The following CLASP1 variants were observed in gnomAD, a reference collection of about 807,000 sequenced individuals.
CLASP1 encodes the protein CLIP-associating protein 1.
In CLASP1, 38 loss-of-function variants were observed where a neutral mutation model predicts 192.3. The ratio of observed to expected loss-of-function variants is 0.20; its 90% CI spans 0.15 to 0.26. The LOEUF is 0.26. Ranked by LOEUF, CLASP1 falls within the 10% of genes least tolerant of loss-of-function variation. CLASP1 has a pLI of 1.00. For missense variants in CLASP1, 1,433 were observed against 1,932.5 expected (o/e 0.74, Z 4.85); for synonymous variants, 691 against 712.8 (o/e 0.97, Z 0.49).
At chr2:121,576,395 A>G (rs2060522915) in intron 2 of CLASP1, among the ~76,000 whole-genome samples, 1 of 152,260 alleles carries the variant, frequency 6.6e-6, no homozygotes, top group African/African-American at 2.4e-5. Context: ...AAAGCTCATC[A>G]TCTAGTGAGG....
chr2:121,425,284 T>C (rs751626421), exon 22 of CLASP1: 2 of 1,612,152 alleles, frequency 1.2e-6, no homozygotes, highest in African/African-American at 1.3e-5. Flanking sequence ...ACAATTTTCC[T>C]GGGGAACTTG....
At chr2:121,405,732 A>T (rs1387254950) in intron 25 of CLASP1, among the ~76,000 whole-genome samples, 1 of 152,230 alleles carries the variant, frequency 6.6e-6, no homozygotes, top group African/African-American at 2.4e-5. Flanking sequence ...CCAGGATTAA[A>T]CAGATTCTTG....
In CLASP1 at chr2:121,599,957, A is replaced by C. The variant is rs536259544; in HGVS notation, c.195+5744T>G. ...AAAAAATTCAAGAAGCCAAGCTTCA[A>C]AGTTTTGTTTAATATAAAGCTAATC... On this transcript the variant is annotated intron_variant, in intron 2 of 39. Transcript: ENST00000263710. Among the ~76,000 whole-genome samples, 9 of 152,208 alleles carry C rather than the reference A, an allele frequency of 5.9e-5. No individual in the cohort carries two copies. The East Asian group carries it at 1.7e-3, about 29-fold the overall frequency.
chr2:121,643,058 A>G (rs1268918887), intron 1 of CLASP1, among the ~76,000 whole-genome samples: 1 of 152,196 alleles, frequency 6.6e-6, no homozygotes, highest in Non-Finnish European at 1.5e-5. Flanking sequence ...TAGTGAGGGA[A>G]AGTCCTACAC....
intron 7 of CLASP1, among the ~76,000 whole-genome samples, chr2:121,509,669 C>G (rs2094056523): frequency 6.6e-6 from 1 of 152,126 alleles, no homozygotes; most frequent in African/African-American, 2.4e-5. Flanking sequence ...AAAACCTCGT[C>G]TCTACTAAAA....
chr2:121,420,457 TC>T (rs1456766924), intron 22 of CLASP1, among the ~76,000 whole-genome samples: 2 of 152,172 alleles, frequency 1.3e-5, no homozygotes, highest in African/African-American at 4.8e-5. Flanking sequence ...CAATGCCAAA[TC>T]TGAGTCAAAA....
rs2058997761 is a variant in CLASP1 at position 121,560,674 on chromosome 2, C to T, written c.196-30349G>A. Reference sequence around the variant, plus strand: ...TCAGTACCAGGCATTTCAAGAACAGCAAGTTACTGACAATCCTTGAAGTTA... The same window carrying T: ...TCAGTACCAGGCATTTCAAGAACAGTAAGTTACTGACAATCCTTGAAGTTA... On this transcript the variant is annotated intron_variant, in intron 2 of 39. Transcript: ENST00000263710. Among the ~76,000 whole-genome samples the T allele has an allele frequency of 1.3e-5, 2 of 152,188 alleles. 1 individual carries two copies. The highest frequency in any genetic ancestry group is 4.1e-4 in the South Asian group (2 of 4,836).
intron 22 of CLASP1, among the ~76,000 whole-genome samples, chr2:121,418,987 T>C (rs2079054978): frequency 6.6e-6 from 1 of 152,042 alleles, no homozygotes; most frequent in South Asian, 2.1e-4. Context: ...TACACCTAAA[T>C]GTAAGAAGTG....
At chr2:121,521,642 C>T (rs2094459184) in intron 6 of CLASP1, among the ~76,000 whole-genome samples, 1 of 152,204 alleles carries the variant, frequency 6.6e-6, no homozygotes, top group East Asian at 1.9e-4. Flanking sequence ...TGAAAGGCCT[C>T]CCTGCTCTGA....
At chr2:121,420,878 A>G (rs2079378346) in intron 22 of CLASP1, among the ~76,000 whole-genome samples, 1 of 152,258 alleles carries the variant, frequency 6.6e-6, no homozygotes, top group Non-Finnish European at 1.5e-5. Context: ...TTGTGAAGAC[A>G]ATAAAAAGCA....
chr2:121,475,825 A>G (rs1376638656), intron 8 of CLASP1, among the ~76,000 whole-genome samples: 3 of 152,216 alleles, frequency 2.0e-5, no homozygotes, highest in African/African-American at 7.2e-5. Context: ...CCCACTGCAG[A>G]CTGCCATGGG....
intron 8 of CLASP1, among the ~76,000 whole-genome samples, chr2:121,497,511 T>C (rs1373770531): frequency 6.6e-6 from 1 of 152,150 alleles, no homozygotes; most frequent in Non-Finnish European, 1.5e-5. Flanking sequence ...CAAACATTTA[T>C]GAAAAAAATG....
At chr2:121,602,271 G>A (rs891290109) in intron 2 of CLASP1, among the ~76,000 whole-genome samples, 1 of 150,676 alleles carries the variant, frequency 6.6e-6, no homozygotes, top group Non-Finnish European at 1.5e-5. Context: ...GGAGATGAAA[G>A]GCCTCTACAA....
intron 8 of CLASP1, among the ~76,000 whole-genome samples, chr2:121,479,056 C>CCA (rs1175265144): frequency 7.2e-4 from 73 of 101,182 alleles, no homozygotes; most frequent in East Asian, 4.4e-3. Context: ...CACCCCCCCC[C>CCA]CACACACACA....
intron 22 of CLASP1, among the ~76,000 whole-genome samples, chr2:121,422,003 G>A (rs566847161): frequency 1.3e-5 from 2 of 152,308 alleles, no homozygotes; most frequent in East Asian, 3.9e-4. Context: ...GGAGAGACCA[G>A]GAAAACATAC....
At chr2:121,424,058 C>A (rs1175622286) in intron 22 of CLASP1, among the ~76,000 whole-genome samples, 1 of 152,164 alleles carries the variant, frequency 6.6e-6, no homozygotes, top group East Asian at 1.9e-4. Context: ...CCTCATCTCC[C>A]CACCCGGACC....
chr2:121,371,865 A>T (rs961241642), intron 34 of CLASP1, among the ~76,000 whole-genome samples: 1 of 152,166 alleles, frequency 6.6e-6, no homozygotes, highest in South Asian at 2.1e-4. Flanking sequence ...GATCTCTCCC[A>T]TCTGAAATGC....
At chr2:121,575,447 G>A (rs1483464148) in intron 2 of CLASP1, among the ~76,000 whole-genome samples, 1 of 152,158 alleles carries the variant, frequency 6.6e-6, no homozygotes, top group African/African-American at 2.4e-5. Context: ...AAAAAAGGGA[G>A]GCTTTAGAGC....
chr2:121,373,629 G>A (rs2069263762), intron 34 of CLASP1, among the ~76,000 whole-genome samples: 1 of 152,230 alleles, frequency 6.6e-6, no homozygotes, highest in Non-Finnish European at 1.5e-5. Context: ...AGTCCAGGAT[G>A]AGGTGGTCTC....
Sources: allele counts gnomAD v4.1 joint callset (sites outside exome capture counted in the v4.1 genomes callset), GRCh38; gene constraint gnomAD v4.1.1; transcripts MANE v1.5; gene names NCBI Gene and HGNC (gene_info 2026-07-23, HGNC 2026-07-21).